INTU: variants seen among roughly 807,000 people sequenced by gnomAD.
The protein encoded by INTU is inturned planar cell polarity protein.
A neutral mutation model predicts 100.5 loss-of-function variants in INTU; 68 were observed. That is an observed-to-expected ratio of 0.68 (90% CI 0.56 to 0.83). The LOEUF (loss-of-function observed/expected upper bound fraction) is 0.83, where lower values mean the gene tolerates loss of function less well. Ranked by LOEUF, INTU falls within the 40% of genes least tolerant of loss-of-function variation. The pLI, the probability that INTU is intolerant of heterozygous loss-of-function variation, is 0.00. For missense variants in INTU, 1,071 were observed against 1,114.7 expected (o/e 0.96, Z 0.56); for synonymous variants, 357 against 395.7 (o/e 0.90, Z 1.16).
At chr4:127,652,432 G>T (rs1254306953) in intron 2 of INTU, among the ~76,000 whole-genome samples, 1 of 123,574 alleles carries the variant, frequency 8.1e-6, no homozygotes, top group Non-Finnish European at 1.7e-5. Flanking sequence ...TAGCATGAAG[G>T]GTTGTTGAAT....
At position 127,721,457 on chromosome 4, in the gene INTU, G is replaced by C. The variant is rs1482025932; in HGVS notation, c.*5021G>C. The C allele has an allele frequency of 6.6e-6, 1 of 152,018 alleles. No homozygotes were observed. Among genetic ancestry groups the C allele is most frequent in the Admixed American group, 6.6e-5 (1 of 15,262 alleles). The allele number at this position is 152,018 out of a possible 1,614,324, so 9.4% of individuals were successfully genotyped here. A position where few individuals can be genotyped will look rare whatever the true frequency, so the allele number is the denominator to read the frequency against. ...TCTGATGATTATGTGTCTTGGGGTT[G>C]ATCTCATGGAGTATTGTATTGGGGT... On this transcript the variant is annotated 3_prime_UTR_variant, in exon 16 of 16. Coordinates refer to ENST00000335251, the MANE Select transcript of INTU (RefSeq NM_015693.4).
chr4:127,697,008 TC>T (rs1390378285), intron 8 of INTU, among the ~76,000 whole-genome samples: 2 of 152,184 alleles, frequency 1.3e-5, no homozygotes, highest in Non-Finnish European at 2.9e-5. Context: ...GCCAATTACT[TC>T]GTTTAAGGCA....
chr4:127,706,684 T>A lies in INTU; in HGVS notation c.1986T>A (p.Thr662=), dbSNP rs754071415. ...PCLSCADWFL[T]GSREKTDSLT... ...TGTCTTGTGCTGACTGGTTCCTTAC[T>A]GGATCACGTGAAAAAACAGATAGCT... The change falls in exon 12 of 16, where the codon ACT becomes ACA. Residue 662 remains threonine (T), a synonymous_variant. Coordinates refer to ENST00000335251, the MANE Select transcript of INTU (RefSeq NM_015693.4). 1.2e-6 allele frequency: 2 copies of A among 1,614,110 alleles called. No individual in the cohort carries two copies. Among genetic ancestry groups the A allele is most frequent in the Non-Finnish European group, 8.5e-7 (1 of 1,179,972 alleles).
intron 1 of INTU, 21 bp downstream of exon 1, chr4:127,633,201 CAATT>C (rs1726916174): frequency 1.2e-6 from 2 of 1,608,118 alleles, no homozygotes; most frequent in South Asian, 1.1e-5. Flanking sequence ...CAAAGAGGGA[CAATT>C]AATCCCATCC....
intron 9 of INTU, among the ~76,000 whole-genome samples, 176 bp downstream of exon 9, chr4:127,700,239 A>G (rs543764535): frequency 8.5e-5 from 13 of 152,144 alleles, no homozygotes; most frequent in African/African-American, 2.4e-5. Flanking sequence ...CTGAGTTTAA[A>G]CAGTTGTTAC....
At chr4:127,714,975 GA>G (rs1286572577) in intron 15 of INTU, among the ~76,000 whole-genome samples, 1 of 151,866 alleles carries the variant, frequency 6.6e-6, no homozygotes, top group Non-Finnish European at 1.5e-5. Context: ...TCTAGCAGAA[GA>G]ATTATGAAAT....
intron 1 of INTU, among the ~76,000 whole-genome samples, chr4:127,637,785 G>C (rs1727138775): frequency 1.3e-5 from 2 of 152,172 alleles, no homozygotes; most frequent in Non-Finnish European, 1.5e-5. Flanking sequence ...CTAATTTAGT[G>C]ATGCATAGGA....
chr4:127,645,277 A>G (rs1054768045), intron 2 of INTU, among the ~76,000 whole-genome samples: 3 of 152,192 alleles, frequency 2.0e-5, no homozygotes, highest in African/African-American at 7.2e-5. Flanking sequence ...ATAAAAGGTG[A>G]TGCAGCTTCT....
At chr4:127,682,401 A>AT (rs1729612891) in intron 6 of INTU, among the ~76,000 whole-genome samples, 1 of 152,166 alleles carries the variant, frequency 6.6e-6, no homozygotes, top group African/African-American at 2.4e-5. Context: ...TGGCATATAT[A>AT]TACCATGGAA....
intron 7 of INTU, chr4:127,685,605 C>T (rs1729788105): frequency 6.1e-6 from 2 of 328,892 alleles, no homozygotes; most frequent in South Asian, 2.5e-5. Context: ...ATAAATAGTG[C>T]TTTTACCTTT....
chr4:127,641,787 C>G (rs1219227286), intron 1 of INTU, among the ~76,000 whole-genome samples: 2 of 152,148 alleles, frequency 1.3e-5, no homozygotes, highest in East Asian at 3.8e-4. Flanking sequence ...TGTTTAGTTG[C>G]TCCACAATTG....
chr4:127,710,850 A>C (rs1731066137), intron 13 of INTU, 63 bp from the exon 14 acceptor site: 2 of 1,000,148 alleles, frequency 2.0e-6, no homozygotes, highest in Admixed American at 5.6e-5. Flanking sequence ...TTCAAAATGA[A>C]CCAATATTTT....
chr4:127,678,343 G>A (rs1416784376), intron 6 of INTU, among the ~76,000 whole-genome samples: 1 of 152,180 alleles, frequency 6.6e-6, no homozygotes, highest in Non-Finnish European at 1.5e-5. Context: ...GTTAAGGGCA[G>A]CCAGAGACAA....
In INTU at chr4:127,709,282, G is replaced by A. The variant is rs545349730; in HGVS notation, c.2369+614G>A. 8.9e-4 allele frequency among the ~76,000 whole-genome samples: 135 copies of A among 152,214 alleles called. 1 individual carries two copies. Among genetic ancestry groups the A allele is most frequent in the African/African-American group, 3.0e-3 (126 of 41,528 alleles). On this transcript the variant is annotated intron_variant, in intron 13 of 15. Transcript: ENST00000335251. ...GTGGTATCGGCTGAGACTTGTTGCC[G>A]CTGCAGCACAGTTCATCTTCTCCCT...
intron 6 of INTU, among the ~76,000 whole-genome samples, chr4:127,681,739 C>T (rs1363060794): frequency 1.3e-5 from 2 of 152,144 alleles, no homozygotes; most frequent in Non-Finnish European, 2.9e-5. Context: ...CAACAAAAGA[C>T]AAAATTGACA....
intron 3 of INTU, among the ~76,000 whole-genome samples, chr4:127,663,042 T>G (rs910069180): frequency 6.6e-6 from 1 of 152,208 alleles, no homozygotes; most frequent in African/African-American, 2.4e-5. Context: ...TTTTGCACTA[T>G]CAGATCATAC....
At chr4:127,706,207 A>G (rs1343116068) in intron 11 of INTU, among the ~76,000 whole-genome samples, 2 of 152,212 alleles carry the variant, frequency 1.3e-5, no homozygotes, top group African/African-American at 4.8e-5. Context: ...AAGGACTTCC[A>G]GTAACTGAGG....
rs774920211 is a variant in INTU at position 127,687,823 on chromosome 4, A to G, written c.1405A>G (p.Asn469Asp). The G allele has an allele frequency of 6.2e-7, 1 of 1,605,092 alleles. No homozygotes were observed. Among genetic ancestry groups the G allele is most frequent in the Non-Finnish European group, 8.5e-7 (1 of 1,174,358 alleles). Residue 469 changes from asparagine to aspartate, a missense_variant, in exon 8 of 16, where the codon AAC (asparagine) becomes GAC (aspartate). By Grantham distance (23) the Asn-to-Asp change is conservative. Coordinates refer to ENST00000335251, the MANE Select transcript of INTU (RefSeq NM_015693.4). ...YDASSAVLLD[N>D]LPGVRWLTLP... ...TGCTTCCAGTGCAGTACTTTTAGACAACCTCCCTGGAGTCCGGTGGCTCAC... is the reference window on the plus strand; with the variant it reads ...TGCTTCCAGTGCAGTACTTTTAGACGACCTCCCTGGAGTCCGGTGGCTCAC...
intron 6 of INTU, among the ~76,000 whole-genome samples, chr4:127,679,133 G>C (rs1336840159): frequency 6.6e-6 from 1 of 151,802 alleles, no homozygotes; most frequent in African/African-American, 2.4e-5. Context: ...AAGAGACTTA[G>C]ACTCCCACAC....
Sources: gnomAD v4.1 joint callset for allele counts (sites outside exome capture counted in the v4.1 genomes callset) on GRCh38, gnomAD v4.1.1 for gene constraint, MANE v1.5 for transcripts, NCBI Gene and HGNC (gene_info 2026-07-23, HGNC 2026-07-21) for gene names.